The following ANGPT1 variants were observed in gnomAD, a reference collection of about 807,000 sequenced individuals.
ANGPT1 encodes angiopoietin 1, also known as angiopoietin-1.
Under a neutral mutation model 62.2 loss-of-function variants are expected in ANGPT1, and 17 were observed. The observed-to-expected ratio is 0.27, with a 90% confidence interval of 0.19 to 0.41. The LOEUF is 0.41. Among genes scored for constraint, ANGPT1 ranks in the 10% least tolerant of loss-of-function variants. ANGPT1 has a pLI of 1.00. For synonymous variants in ANGPT1, 199 were observed against 198.9 expected (o/e 1.00, Z 0.00); for missense variants, 478 against 594.9 (o/e 0.80, Z 2.04).
At chr8:107,343,341 GGAA>G (rs1371370548) in intron 2 of ANGPT1, among the ~76,000 whole-genome samples, 5 of 152,172 alleles carry the variant, frequency 3.3e-5, no homozygotes, top group Non-Finnish European at 7.3e-5. Context: ...GGAGAGGGAA[GGAA>G]GAAGAGTTGG....
intron 1 of ANGPT1, among the ~76,000 whole-genome samples, chr8:107,417,600 T>C (rs1469991145): frequency 6.6e-6 from 1 of 152,170 alleles, no homozygotes; most frequent in Admixed American, 6.6e-5. Flanking sequence ...CATTTAAATG[T>C]TACCTTTCCC....
At chr8:107,485,359 G>T (rs1812789303) in intron 1 of ANGPT1, among the ~76,000 whole-genome samples, 1 of 152,102 alleles carries the variant, frequency 6.6e-6, no homozygotes, top group Admixed American at 6.6e-5. Context: ...AATCTATTTT[G>T]TCCCCACCCT....
chr8:107,420,537 T>G (rs546912551), intron 1 of ANGPT1, among the ~76,000 whole-genome samples: 1 of 152,302 alleles, frequency 6.6e-6, no homozygotes, highest in African/African-American at 2.4e-5. Flanking sequence ...ATCATAAATT[T>G]GATAGAACAA....
Position 107,497,414 on chromosome 8 carries a change from C to G in ANGPT1, c.145G>C (p.Glu49Gln), listed in dbSNP as rs1488317820. 3.1e-6 allele frequency: 5 copies of G among 1,614,158 alleles called. No homozygotes were observed. The highest frequency in any genetic ancestry group is 4.2e-6 in the Non-Finnish European group (5 of 1,180,028). The change falls in exon 1 of 9, where the codon GAA becomes CAA. Residue 49 changes from glutamate (E) to glutamine (Q), a missense_variant. Physicochemically the swap from Glu to Gln is conservative, Grantham distance 29. Coordinates refer to ENST00000517746, the MANE Select transcript of ANGPT1 (RefSeq NM_001146.5). ...GQCAYTFILPEHDGNCRESTT... is the reference protein window; with the variant it reads ...GQCAYTFILPQHDGNCRESTT... ...CTCTCACGACAGTTGCCATCGTGTT[C>G]TGGAAGAATGAAAGTGTAGGCACAT...
chr8:107,463,235 A>G (rs933545642), intron 1 of ANGPT1, among the ~76,000 whole-genome samples: 3 of 152,226 alleles, frequency 2.0e-5, no homozygotes, highest in South Asian at 4.1e-4. Flanking sequence ...TGCCCACAAG[A>G]AGCTGAATCC....
rs188309615 is a variant in ANGPT1, at chr8:107,274,792, A to T, written c.1205+9890T>A. 2.7e-3 allele frequency among the ~76,000 whole-genome samples: 406 copies of T among 152,288 alleles called. 5 individuals are homozygous for T. The highest frequency in any genetic ancestry group is 8.9e-3 in the South Asian group (43 of 4,822). On this transcript the variant is annotated intron_variant, in intron 7 of 8. Transcript: ENST00000517746. The stretch of plus-strand genomic sequence containing the variant: ...AAAATCACCTGTGTTGAATGCACAA[A>T]AAAACCTTGTCAATATGTCTTTTAT...
At chr8:107,402,657 C>T (rs1817069012) in intron 1 of ANGPT1, among the ~76,000 whole-genome samples, 1 of 152,042 alleles carries the variant, frequency 6.6e-6, no homozygotes, top group Non-Finnish European at 1.5e-5. Context: ...TAAGTCACTG[C>T]CTTAAGCAGA....
intron 5 of ANGPT1, chr8:107,295,645 C>G (rs1170669866): frequency 6.6e-6 from 1 of 151,974 alleles, no homozygotes; most frequent in Non-Finnish European, 1.5e-5. Context: ...AAAGAAAACA[C>G]GAGCAAAGAA....
intron 8 of ANGPT1, among the ~76,000 whole-genome samples, chr8:107,255,857 A>G (rs1813346151): frequency 1.3e-5 from 2 of 152,228 alleles, no homozygotes; most frequent in African/African-American, 2.4e-5. Flanking sequence ...CAGAAAAAAA[A>G]GAGACAAGAC....
chr8:107,256,949 C>T (rs932532617), intron 8 of ANGPT1, among the ~76,000 whole-genome samples: 5 of 152,044 alleles, frequency 3.3e-5, no homozygotes, highest in Non-Finnish European at 7.4e-5. Flanking sequence ...CTCCGCCTCT[C>T]GGGTTCAAGC....
chr8:107,497,364 G>A lies in ANGPT1; in HGVS notation c.195C>T (p.Asn65=), dbSNP rs755166783. 5 of 1,614,044 alleles carry A rather than the reference G, an allele frequency of 3.1e-6. No homozygotes were observed. Among genetic ancestry groups the A allele is most frequent in the Non-Finnish European group, 4.2e-6 (5 of 1,180,032 alleles). ...RESTTDQYNT[N]ALQRDAPHVE... is the part of the protein sequence containing the mutation. Reference sequence around the variant, plus strand: ...CGTGTGGAGCATCTCTCTGCAGAGCGTTTGTGTTGTACTGGTCTGTCGTAC... The same window carrying A: ...CGTGTGGAGCATCTCTCTGCAGAGCATTTGTGTTGTACTGGTCTGTCGTAC... The change falls in exon 1 of 9, where the codon AAC becomes AAT. Residue 65 remains asparagine, a synonymous_variant. Transcript: ENST00000517746.
At chr8:107,257,139 C>T (rs546824194) in intron 8 of ANGPT1, among the ~76,000 whole-genome samples, 2 of 152,280 alleles carry the variant, frequency 1.3e-5, no homozygotes, top group South Asian at 2.1e-4. Context: ...AGATTACAGG[C>T]GTGAGCCACC....
intron 1 of ANGPT1, among the ~76,000 whole-genome samples, chr8:107,367,627 C>A (rs1816303910): frequency 6.6e-6 from 1 of 152,152 alleles, no homozygotes; most frequent in South Asian, 2.1e-4. Context: ...CACAGTAGAA[C>A]TTTTTCAAAA....
chr8:107,257,889 TTG>T (rs1197952402), intron 8 of ANGPT1, among the ~76,000 whole-genome samples: 4 of 96,722 alleles, frequency 4.1e-5, no homozygotes, highest in African/African-American at 1.5e-4. Flanking sequence ...TCTTTTTTGT[TTG>T]TTTGTTTGTT....
chr8:107,253,974 G>A (rs1362700420), intron 8 of ANGPT1, among the ~76,000 whole-genome samples: 1 of 152,170 alleles, frequency 6.6e-6, no homozygotes, highest in Non-Finnish European at 1.5e-5. Flanking sequence ...GAGGGGGATA[G>A]TCACCTGAAG....
chr8:107,387,832 T>C (rs1217169091), intron 1 of ANGPT1, among the ~76,000 whole-genome samples: 1 of 152,056 alleles, frequency 6.6e-6, no homozygotes, highest in African/African-American at 2.4e-5. Flanking sequence ...GAACTATTGA[T>C]GCTGTTCTTT....
At chr8:107,467,203 T>G (rs1314817588) in intron 1 of ANGPT1, among the ~76,000 whole-genome samples, 1 of 151,926 alleles carries the variant, frequency 6.6e-6, no homozygotes, top group Non-Finnish European at 1.5e-5. Flanking sequence ...CCAATTACCT[T>G]TATCGATCAT....
intron 2 of ANGPT1, among the ~76,000 whole-genome samples, chr8:107,341,026 T>C (rs1815685530): frequency 6.6e-6 from 1 of 152,142 alleles, no homozygotes; most frequent in Admixed American, 6.5e-5. Flanking sequence ...TAATGGACAA[T>C]GTGACCAAGT....
At chr8:107,362,225 A>G (rs1281532468) in intron 1 of ANGPT1, among the ~76,000 whole-genome samples, 6 of 152,218 alleles carry the variant, frequency 3.9e-5, no homozygotes, top group Non-Finnish European at 7.3e-5. Flanking sequence ...CCATGAATAC[A>G]TAAATATGAA....
Sources: gnomAD v4.1 joint callset for allele counts (sites outside exome capture counted in the v4.1 genomes callset) on GRCh38, gnomAD v4.1.1 for gene constraint, MANE v1.5 for transcripts, NCBI Gene and HGNC (gene_info 2026-07-23, HGNC 2026-07-21) for gene names.